UNC13C: variants seen among roughly 807,000 people sequenced by gnomAD.
UNC13C encodes the protein protein unc-13 homolog C.
Under a neutral mutation model 245.4 loss-of-function variants are expected in UNC13C, and 174 were observed. The observed-to-expected ratio is 0.71, with a 90% CI of 0.63 to 0.80. The LOEUF (loss-of-function observed/expected upper bound fraction) is 0.80, where lower values mean the gene tolerates loss of function less well. Among genes scored for constraint, UNC13C ranks in the 30% least tolerant of loss-of-function variants. UNC13C has a pLI of 0.00. For missense variants in UNC13C, 2,829 were observed against 2,602.9 expected (o/e 1.09, Z -1.89); for synonymous variants, 992 against 895.1 (o/e 1.11, Z -1.93).
intron 13 of UNC13C, chr15:54,320,816 A>T (rs2140978030): frequency 3.1e-6 from 1 of 318,898 alleles, no homozygotes; most frequent in Non-Finnish European, 6.1e-6. Context: ...GGCCTCCATG[A>T]CCACAGGAAC....
intron 30 of UNC13C, among the ~76,000 whole-genome samples, chr15:54,592,199 C>T (rs945225797): frequency 2.0e-5 from 3 of 152,090 alleles, no homozygotes; most frequent in East Asian, 3.9e-4. Flanking sequence ...TATTGAGGCT[C>T]ATTTTATGGC....
the UNC13C span, among the ~76,000 whole-genome samples, chr15:53,872,599 G>A: frequency 2.2e-4 from 34 of 152,086 alleles, no homozygotes; most frequent in African/African-American, 7.7e-4. Context: ...AAATTATTAT[G>A]ACAACTTCCT....
At chr15:53,933,961 A>G in the UNC13C span, among the ~76,000 whole-genome samples, 1 of 152,300 alleles carries the variant, frequency 6.6e-6, no homozygotes, top group South Asian at 2.1e-4. Flanking sequence ...TGCAGGCTGC[A>G]TGGGATGCAT....
At chr15:54,458,438 TG>T (rs1891652825) in intron 19 of UNC13C, among the ~76,000 whole-genome samples, 1 of 152,090 alleles carries the variant, frequency 6.6e-6, no homozygotes, top group South Asian at 2.1e-4. Flanking sequence ...ATTGTTTCTT[TG>T]TTGACTTTTG....
At chr15:54,300,460 T>G (rs1348788923) in intron 13 of UNC13C, 87 bp downstream of exon 13, 1 of 1,259,224 alleles carries the variant, frequency 7.9e-7, no homozygotes, top group Non-Finnish European at 1.1e-6. Context: ...CTAATTCAAA[T>G]GAAACTGATT....
chr15:54,624,631 T>C (rs1172065267), intron 32 of UNC13C, among the ~76,000 whole-genome samples: 1 of 152,100 alleles, frequency 6.6e-6, no homozygotes, highest in East Asian at 1.9e-4. Context: ...AATTATACGG[T>C]GGCAAGACCA....
intron 19 of UNC13C, among the ~76,000 whole-genome samples, chr15:54,441,003 A>T (rs1567273953): frequency 6.6e-6 from 1 of 151,490 alleles, no homozygotes; most frequent in African/African-American, 2.4e-5. Context: ...TTTTGATGAG[A>T]TTATTTATTT....
chr15:54,325,138 C>A (rs1304572656), intron 14 of UNC13C, among the ~76,000 whole-genome samples: 7 of 151,904 alleles, frequency 4.6e-5, no homozygotes, highest in Admixed American at 3.9e-4. Flanking sequence ...ATGATACAGT[C>A]ATTAAAAATC....
At chr15:54,039,851 T>C (rs1034656614) in intron 2 of UNC13C, among the ~76,000 whole-genome samples, 8 of 147,712 alleles carry the variant, frequency 5.4e-5, no homozygotes, top group African/African-American at 1.5e-4. Context: ...CAGCCCCCCA[T>C]CCTTTGCCTT....
At position 54,176,363 on chromosome 15, in the gene UNC13C, A is replaced by G. The variant is rs145691359; in HGVS notation, c.3071+32679A>G. 3.3e-5 allele frequency among the ~76,000 whole-genome samples: 5 copies of G among 152,310 alleles called. No homozygotes were observed. In the East Asian group the frequency reaches 9.6e-4, roughly 29 times the overall value. Reference sequence around the variant, plus strand: ...TATTATGTTCTATTAAAGAAACAATATAACTTTTAACTTAGGTTGTCTGTT... The same window carrying G: ...TATTATGTTCTATTAAAGAAACAATGTAACTTTTAACTTAGGTTGTCTGTT... On this transcript the variant is annotated intron_variant, in intron 4 of 32. Transcript: ENST00000260323.
intron 30 of UNC13C, among the ~76,000 whole-genome samples, chr15:54,568,182 G>A (rs917355247): frequency 4.6e-5 from 7 of 151,888 alleles, no homozygotes; most frequent in African/African-American, 1.7e-4. Flanking sequence ...TCTATGGAAT[G>A]GCTGACTTGT....
intron 10 of UNC13C, among the ~76,000 whole-genome samples, chr15:54,269,175 C>G (rs2036623195): frequency 6.6e-6 from 1 of 152,078 alleles, no homozygotes; most frequent in Non-Finnish European, 1.5e-5. Context: ...AGGCAATAAG[C>G]TGAAGTAATC....
intron 19 of UNC13C, among the ~76,000 whole-genome samples, chr15:54,431,380 T>C (rs76785792): frequency 1.3e-5 from 2 of 151,750 alleles, no homozygotes; most frequent in East Asian, 3.9e-4. Flanking sequence ...TGAGAACTTA[T>C]CTCCTTTTTC....
intron 1 of UNC13C, among the ~76,000 whole-genome samples, chr15:54,002,003 T>A (rs1894912039): frequency 6.6e-6 from 1 of 152,210 alleles, no homozygotes; most frequent in Admixed American, 6.5e-5. Flanking sequence ...ATTATTCAAA[T>A]CAGCCAGGCG....
At chr15:54,530,044 A>G (rs1895665394) in intron 25 of UNC13C, among the ~76,000 whole-genome samples, 1 of 152,168 alleles carries the variant, frequency 6.6e-6, no homozygotes, top group Non-Finnish European at 1.5e-5. Context: ...GCAATACGAA[A>G]TATTGCTCTT....
chr15:54,204,807 AAG>A (rs910710650), intron 4 of UNC13C, among the ~76,000 whole-genome samples: 9 of 152,104 alleles, frequency 5.9e-5, no homozygotes, highest in Admixed American at 3.9e-4. Flanking sequence ...GAGAGGGAAA[AAG>A]AGAATATTTG....
At chr15:53,984,740 G>T (rs911726326) in intron 1 of UNC13C, among the ~76,000 whole-genome samples, 1 of 152,068 alleles carries the variant, frequency 6.6e-6, no homozygotes, top group Non-Finnish European at 1.5e-5. Context: ...GGGAAGAAGA[G>T]TATGATATGC....
chr15:54,188,755 C>T (rs2034081160), intron 4 of UNC13C, among the ~76,000 whole-genome samples: 2 of 152,170 alleles, frequency 1.3e-5, no homozygotes, highest in Middle Eastern at 3.4e-3. Flanking sequence ...TGGATAGGTA[C>T]GTATCATGAT....
intron 14 of UNC13C, 138 bp downstream of exon 14, chr15:54,322,233 A>G: frequency 2.7e-6 from 2 of 733,926 alleles, no homozygotes; most frequent in South Asian, 6.1e-5. Context: ...GTTCCAGCTC[A>G]AAGTTCATTT....
Sources: allele counts gnomAD v4.1 joint callset (sites outside exome capture counted in the v4.1 genomes callset), GRCh38; gene constraint gnomAD v4.1.1; transcripts MANE v1.5; gene names NCBI Gene and HGNC (gene_info 2026-07-23, HGNC 2026-07-21).